The following ASIC2 variants were observed in gnomAD, a reference collection of about 807,000 sequenced individuals.
The protein encoded by ASIC2 is acid sensing ion channel subunit 2, also known as acid-sensing ion channel 2.
A neutral mutation model predicts 57.3 loss-of-function variants in ASIC2; 25 were observed. The observed-to-expected ratio is 0.44, with a 90% CI of 0.32 to 0.61. The LOEUF (loss-of-function observed/expected upper bound fraction) is 0.61, where lower values mean the gene tolerates loss of function less well. ASIC2 is among the 20% of genes least tolerant of loss of function. The probability of loss-of-function intolerance (pLI) is 0.06; values close to 1 mark genes in which losing one functional copy is unlikely to be tolerated. For synonymous variants in ASIC2, 319 were observed against 307.5 expected, an observed-to-expected ratio of 1.04 and a Z score of -0.39; for missense variants, 641 against 738.1, an observed-to-expected ratio of 0.87 and a Z score of 1.52.
At chr17:33,067,001 T>G (rs1351863829) in intron 3 of ASIC2, among the ~76,000 whole-genome samples, 1 of 152,062 alleles carries the variant, frequency 6.6e-6, no homozygotes, top group Non-Finnish European at 1.5e-5. Context: ...TGTAAAATGA[T>G]GGATGAGTTA....
intron 1 of ASIC2, among the ~76,000 whole-genome samples, chr17:33,312,825 C>T (rs1906487600): frequency 6.6e-6 from 1 of 151,982 alleles, no homozygotes; most frequent in African/African-American, 2.4e-5. Context: ...AATCCTGGCT[C>T]TTCGGGAAGC....
chr17:33,981,265 A>G (rs1466213811), intron 1 of ASIC2, among the ~76,000 whole-genome samples: 2 of 152,130 alleles, frequency 1.3e-5, no homozygotes, highest in Non-Finnish European at 2.9e-5. Flanking sequence ...GTGTAATTTT[A>G]TGAGTTCTTC....
At chr17:33,887,270 A>C (rs1295402168) in intron 1 of ASIC2, among the ~76,000 whole-genome samples, 1 of 152,186 alleles carries the variant, frequency 6.6e-6, no homozygotes, top group East Asian at 1.9e-4. Flanking sequence ...AGTGCCAAGC[A>C]CTGGACATGA....
At chr17:34,106,499 C>A (rs1185470476) in intron 1 of ASIC2, among the ~76,000 whole-genome samples, 1 of 152,090 alleles carries the variant, frequency 6.6e-6, no homozygotes, top group African/African-American at 2.4e-5. Context: ...CTCCCCTCTC[C>A]TGTATGTCTG....
intron 1 of ASIC2, among the ~76,000 whole-genome samples, chr17:33,865,417 T>G (rs1463941465): frequency 6.6e-6 from 1 of 152,180 alleles, no homozygotes; most frequent in East Asian, 1.9e-4. Context: ...AGTACAGACA[T>G]GCATAAGGCA....
chr17:33,803,947 CAA>C (rs938001498), intron 1 of ASIC2, among the ~76,000 whole-genome samples: 1 of 152,040 alleles, frequency 6.6e-6, no homozygotes, highest in Non-Finnish European at 1.5e-5. Flanking sequence ...TTTAATAGCC[CAA>C]AGAGAAGCAT....
chr17:33,879,086 C>A (rs1453045326), intron 1 of ASIC2, among the ~76,000 whole-genome samples: 1 of 152,090 alleles, frequency 6.6e-6, no homozygotes, highest in Non-Finnish European at 1.5e-5. Flanking sequence ...CAGGCCTGCC[C>A]TAAAAGAGCT....
intron 7 of ASIC2, among the ~76,000 whole-genome samples, chr17:33,018,173 C>T (rs1567717786): frequency 6.6e-6 from 1 of 152,216 alleles, no homozygotes; most frequent in Non-Finnish European, 1.5e-5. Context: ...TGTCTCCTCT[C>T]TCCCCCATCC....
chr17:33,215,958 C>G (rs1039327197), intron 1 of ASIC2, among the ~76,000 whole-genome samples: 46 of 152,268 alleles, frequency 3.0e-4, no homozygotes, highest in African/African-American at 5.3e-4. Context: ...CTCGGCCTCC[C>G]AAAGTGCTGG....
intron 1 of ASIC2, among the ~76,000 whole-genome samples, chr17:33,354,059 T>A (rs1316715064): frequency 6.6e-6 from 1 of 152,144 alleles, no homozygotes; most frequent in African/African-American, 2.4e-5. Flanking sequence ...AGAGGGCATA[T>A]GCAGGGGAAC....
At position 33,017,624 on chromosome 17, in the gene ASIC2, A is replaced by G; in HGVS notation, c.1502T>C (p.Leu501Pro). ...TCTTACCTCATAAATATAATCAAAG[A>G]GCTCTAGTATTGTAAGGATACTAGC... ...IGASILTILE[L>P]FDYIYELIKE... The change falls in exon 8 of 10, where the codon CTC (leucine) becomes CCC (proline). Residue 501 changes from leucine (L) to proline (P), a missense_variant. Coordinates refer to ENST00000225823, the MANE Select transcript of ASIC2 (RefSeq NM_183377.2). 4 of 1,613,318 alleles carry G rather than the reference A, an allele frequency of 2.5e-6. No homozygotes were observed. Among genetic ancestry groups the G allele is most frequent in the Non-Finnish European group, 3.4e-6 (4 of 1,179,338 alleles).
At chr17:33,654,503 T>C (rs1412183655) in intron 1 of ASIC2, among the ~76,000 whole-genome samples, 1 of 152,224 alleles carries the variant, frequency 6.6e-6, no homozygotes, top group Non-Finnish European at 1.5e-5. Context: ...ACTTTCCTTC[T>C]TCAAAATAGT....
intron 1 of ASIC2, among the ~76,000 whole-genome samples, chr17:33,186,671 C>T (rs1906209509): frequency 6.6e-6 from 1 of 152,084 alleles, no homozygotes; most frequent in Non-Finnish European, 1.5e-5. Flanking sequence ...GGGGCGAGAG[C>T]CTTGAAGATG....
intron 1 of ASIC2, among the ~76,000 whole-genome samples, chr17:33,114,956 A>C (rs1437285373): frequency 6.6e-6 from 1 of 151,694 alleles, no homozygotes; most frequent in African/African-American, 2.4e-5. Flanking sequence ...TCATTGACTG[A>C]GTGTCTGCTT....
intron 1 of ASIC2, among the ~76,000 whole-genome samples, chr17:33,615,064 G>A (rs1161240803): frequency 2.6e-5 from 4 of 152,160 alleles, no homozygotes; most frequent in Non-Finnish European, 4.4e-5. Context: ...TCTTCCTCTT[G>A]TATGGATGTA....
intron 1 of ASIC2, among the ~76,000 whole-genome samples, chr17:33,950,045 G>T (rs1424359487): frequency 1.3e-5 from 2 of 152,180 alleles, no homozygotes; most frequent in African/African-American, 4.8e-5. Context: ...GCAAGACCTG[G>T]GTCTTGGAGA....
At chr17:33,578,744 T>C (rs1277152010) in intron 1 of ASIC2, among the ~76,000 whole-genome samples, 1 of 152,304 alleles carries the variant, frequency 6.6e-6, no homozygotes, top group East Asian at 1.9e-4. Flanking sequence ...ACTAATGGCT[T>C]TTCAATACAG....
At chr17:33,954,062 A>G (rs765144669) in intron 1 of ASIC2, among the ~76,000 whole-genome samples, 5 of 152,184 alleles carry the variant, frequency 3.3e-5, no homozygotes, top group Non-Finnish European at 5.9e-5. Context: ...AAGCCTGCCA[A>G]CATCCATTTC....
At chr17:33,546,930 AT>A (rs1411992735) in intron 1 of ASIC2, among the ~76,000 whole-genome samples, 1 of 152,060 alleles carries the variant, frequency 6.6e-6, no homozygotes, top group East Asian at 1.9e-4. Flanking sequence ...AAGGCTTTTA[AT>A]TTGCAAGTAC....
Sources: gnomAD v4.1 joint callset for allele counts (sites outside exome capture counted in the v4.1 genomes callset) on GRCh38, gnomAD v4.1.1 for gene constraint, MANE v1.5 for transcripts, NCBI Gene and HGNC (gene_info 2026-07-23, HGNC 2026-07-21) for gene names.